The following ADAM10 variants were observed in gnomAD, a reference collection of about 807,000 sequenced individuals.
ADAM10 encodes ADAM metallopeptidase domain 10.
A neutral mutation model predicts 90.1 loss-of-function variants in ADAM10; 17 were observed. The ratio of observed to expected loss-of-function variants is 0.19; its 90% CI spans 0.13 to 0.28. The LOEUF (loss-of-function observed/expected upper bound fraction) is 0.28, where lower values mean the gene tolerates loss of function less well. Among genes scored for constraint, ADAM10 ranks in the 10% least tolerant of loss-of-function variants. The pLI is 1.00. For synonymous variants in ADAM10, 310 were observed against 298.6 expected (o/e 1.04, Z -0.40); for missense variants, 610 against 914.3 (o/e 0.67, Z 4.29).
At chr15:58,631,306 G>A (rs1478202171) in intron 9 of ADAM10, among the ~76,000 whole-genome samples, 2 of 152,106 alleles carry the variant, frequency 1.3e-5, no homozygotes, top group African/African-American at 2.4e-5. Flanking sequence ...GGATACAGAT[G>A]GCAGAATTAA....
chr15:58,647,088 G>A (rs1161078905), intron 5 of ADAM10, among the ~76,000 whole-genome samples: 2 of 151,942 alleles, frequency 1.3e-5, no homozygotes, highest in African/African-American at 2.4e-5. Context: ...CTCTTACATA[G>A]TGCAACCTTA....
At position 58,726,884 on chromosome 15, in the gene ADAM10, G is replaced by A. The variant is rs909803072; in HGVS notation, c.56-9157C>T. Among the ~76,000 whole-genome samples, 13 of 150,914 alleles carry A rather than the reference G, an allele frequency of 8.6e-5. No individual in the cohort carries two copies. The Admixed American group carries it at 8.6e-4, about 10-fold the overall frequency. On this transcript the variant is annotated intron_variant, in intron 1 of 15. Coordinates refer to ENST00000260408, the MANE Select transcript of ADAM10 (RefSeq NM_001110.4). ...GAGAGATCTCCATCTCCGAAGGGGA[G>A]GGGAGAGGAGGGGAGGGGAGGGGAG...
intron 2 of ADAM10, among the ~76,000 whole-genome samples, chr15:58,699,845 T>C (rs1033224202): frequency 6.6e-6 from 1 of 152,040 alleles, no homozygotes; most frequent in South Asian, 2.1e-4. Context: ...GAATAAGCGC[T>C]CACATACCAG....
chr15:58,656,558 A>G (rs1484986487), intron 5 of ADAM10, among the ~76,000 whole-genome samples: 1 of 152,174 alleles, frequency 6.6e-6, no homozygotes, highest in Non-Finnish European at 1.5e-5. Context: ...TGATGACAAC[A>G]GTGATTGCAT....
intron 9 of ADAM10, chr15:58,629,554 AG>A (rs1896042479): frequency 6.6e-6 from 1 of 152,224 alleles, no homozygotes; most frequent in Admixed American, 6.5e-5. Flanking sequence ...TCAAATCAAG[AG>A]AAGCGTTTCA....
In ADAM10 at chr15:58,690,938, G is replaced by C. The variant is rs116468023; in HGVS notation, c.207-8624C>G. On this transcript the variant is annotated intron_variant, in intron 2 of 15. Transcript: ENST00000260408. ...TGGTTTCAAACAGCAGCACCACCGGGTCACTGACAGCCTCGTTGTTCTTGT... is the reference window on the plus strand; with the variant it reads ...TGGTTTCAAACAGCAGCACCACCGGCTCACTGACAGCCTCGTTGTTCTTGT... 4.6e-3 allele frequency among the ~76,000 whole-genome samples: 705 copies of C among 152,314 alleles called. 4 individuals carry two copies. The highest frequency in any genetic ancestry group is 0.016 in the African/African-American group (678 of 41,558).
At chr15:58,722,991 C>T (rs1203830302) in intron 1 of ADAM10, among the ~76,000 whole-genome samples, 3 of 152,022 alleles carry the variant, frequency 2.0e-5, no homozygotes, top group African/African-American at 4.8e-5. Flanking sequence ...CTCAGCCTCC[C>T]AAAGTGCTGG....
At chr15:58,628,717 G>A (rs1024254581) in intron 9 of ADAM10, among the ~76,000 whole-genome samples, 1 of 151,996 alleles carries the variant, frequency 6.6e-6, no homozygotes, top group Admixed American at 6.5e-5. Flanking sequence ...GAACACATCA[G>A]AAGGGGCAAA....
intron 2 of ADAM10, among the ~76,000 whole-genome samples, chr15:58,696,574 T>G (rs1469249387): frequency 6.6e-6 from 1 of 151,932 alleles, no homozygotes. Context: ...CAAGTGATTC[T>G]TCCGCCTCAG....
chr15:58,642,573 G>A (rs1440505407), intron 7 of ADAM10, among the ~76,000 whole-genome samples: 15 of 151,966 alleles, frequency 9.9e-5, no homozygotes, highest in Non-Finnish European at 2.1e-4. Context: ...ATCTTCAACA[G>A]ATAAAACTTT....
At chr15:58,658,086 A>T (rs1291346767) in intron 5 of ADAM10, among the ~76,000 whole-genome samples, 2 of 152,092 alleles carry the variant, frequency 1.3e-5, no homozygotes, top group African/African-American at 4.8e-5. Flanking sequence ...TTGTGCCTTG[A>T]GAAATTGTTA....
chr15:58,686,543 A>G, intron 2 of ADAM10: 1 of 1,415,228 alleles, frequency 7.1e-7, no homozygotes, highest in South Asian at 1.2e-5. Context: ...GAATGCCTGC[A>G]AGGATGCCCT....
At chr15:58,651,244 T>C (rs1217567395) in intron 5 of ADAM10, among the ~76,000 whole-genome samples, 1 of 152,206 alleles carries the variant, frequency 6.6e-6, no homozygotes, top group Non-Finnish European at 1.5e-5. Flanking sequence ...TTATCCTTTT[T>C]GTTACAAAAA....
At chr15:58,615,276 GAAAA>G (rs35628107) in intron 11 of ADAM10, among the ~76,000 whole-genome samples, 1 of 84,784 alleles carries the variant, frequency 1.2e-5, no homozygotes, top group African/African-American at 4.4e-5. Flanking sequence ...TCCGTCTGAA[GAAAA>G]AAAAAAAAAA....
chr15:58,675,899 G>C (rs555088027), intron 4 of ADAM10, among the ~76,000 whole-genome samples: 39 of 152,066 alleles, frequency 2.6e-4, no homozygotes, highest in African/African-American at 8.7e-4. Flanking sequence ...GCTTCTTTTT[G>C]GTAAGGATAA....
chr15:58,637,392 AAAG>A (rs1896288468), intron 8 of ADAM10, among the ~76,000 whole-genome samples: 1 of 152,194 alleles, frequency 6.6e-6, no homozygotes, highest in South Asian at 2.1e-4. Flanking sequence ...TGAAGACTCA[AAAG>A]AAGGGCAAAG....
intron 1 of ADAM10, among the ~76,000 whole-genome samples, chr15:58,741,943 A>T (rs1426369127): frequency 6.6e-6 from 1 of 152,148 alleles, no homozygotes; most frequent in Non-Finnish European, 1.5e-5. Flanking sequence ...CAGGCAAGTA[A>T]ACCTACAAGC....
Position 58,665,168 on chromosome 15 carries a change from C to T in ADAM10, c.514G>A (p.Gly172Ser), listed in dbSNP as rs757244155. The T allele has an allele frequency of 1.2e-6, 2 of 1,613,088 alleles. No individual in the cohort carries two copies. Among genetic ancestry groups the T allele is most frequent in the African/African-American group, 2.7e-5 (2 of 74,856 alleles). Reference sequence around the variant, plus strand: ...TCAAATACTGAATGATCTGCACAGCCCCCCTGAGGACCGTATTTATGGGGA... The same window carrying T: ...TCAAATACTGAATGATCTGCACAGCTCCCCTGAGGACCGTATTTATGGGGA... Reference protein sequence around the residue: ...NYPHKYGPQGGCADHSVFERM... With the variant: ...NYPHKYGPQGSCADHSVFERM... The change falls in exon 5 of 16, where the codon GGC becomes AGC. Residue 172 changes from glycine (G) to serine (S), a missense_variant. Physicochemically the swap from Gly to Ser is moderately conservative, Grantham distance 56. This residue lies in a region of ADAM10 where 310 missense variants were observed against 362.4 expected (regional missense o/e 0.86). Transcript: ENST00000260408.
intron 1 of ADAM10, among the ~76,000 whole-genome samples, chr15:58,728,705 T>A (rs1321665018): frequency 6.6e-6 from 1 of 152,156 alleles, no homozygotes; most frequent in East Asian, 1.9e-4. Flanking sequence ...AAAATTTCCC[T>A]AAGTTACAAA....
Sources: gnomAD v4.1 joint callset for allele counts (sites outside exome capture counted in the v4.1 genomes callset) on GRCh38, gnomAD v4.1.1 for gene constraint, gnomAD v4.1.1 regional missense constraint, MANE v1.5 for transcripts, NCBI Gene and HGNC (gene_info 2026-07-23, HGNC 2026-07-21) for gene names.